The following SORT1 variants were observed in gnomAD, a reference collection of about 807,000 sequenced individuals.
The protein encoded by SORT1 is sortilin.
SORT1 carries 39 observed loss-of-function variants against 101.7 expected under a neutral mutation model. The observed-to-expected ratio is 0.38, with a 90% CI of 0.30 to 0.50. The LOEUF is 0.50. Ranked by LOEUF, SORT1 falls within the 20% of genes least tolerant of loss-of-function variation. The pLI, the probability that SORT1 is intolerant of heterozygous loss-of-function variation, is 0.90. For missense variants in SORT1, 878 were observed against 1,040.4 expected, an observed-to-expected ratio of 0.84 and a Z score of 2.15; for synonymous variants, 396 against 393.7, an observed-to-expected ratio of 1.01 and a Z score of -0.07.
chr1:109,365,898 G>C (rs1314340497), intron 3 of SORT1, among the ~76,000 whole-genome samples: 1 of 152,220 alleles, frequency 6.6e-6, no homozygotes, highest in Non-Finnish European at 1.5e-5. Context: ...ACGGGGAAGA[G>C]AGGTTAGGCT....
intron 15 of SORT1, among the ~76,000 whole-genome samples, chr1:109,320,908 G>A (rs1647584619): frequency 6.6e-6 from 1 of 151,832 alleles, no homozygotes; most frequent in Admixed American, 6.6e-5. Context: ...AGAGTTTTAG[G>A]TATTCAATCA....
intron 1 of SORT1, among the ~76,000 whole-genome samples, chr1:109,381,584 C>T (rs1428296013): frequency 6.6e-6 from 1 of 152,078 alleles, no homozygotes; most frequent in African/African-American, 2.4e-5. Flanking sequence ...ACAATGTTAT[C>T]AGGGGCCGGG....
chr1:109,314,763 A>G lies in SORT1; in HGVS notation c.2266T>C (p.Ser756Pro). 6.2e-7 allele frequency: 1 copy of G among 1,605,606 alleles called. No individual in the cohort carries two copies. Among genetic ancestry groups the G allele is most frequent in the Non-Finnish European group, 8.5e-7 (1 of 1,172,346 alleles). Residue 756 changes from serine to proline, a missense_variant, in exon 18 of 20, where the codon TCT (serine) becomes CCT (proline). By Grantham distance (74) the Ser-to-Pro change is moderately conservative. Transcript: ENST00000256637. The stretch of plus-strand genomic sequence containing the variant: ...ACGATGGCCAGGATAATTGGAACAG[A>G]ATTTGACTTGGAATTCTTGAGAAAT... ...SPEKQNSKSN[S>P]VPIILAIVGL...
At chr1:109,347,335 A>T (rs1339745028) in intron 7 of SORT1, 148 bp downstream of exon 7, 4 of 576,300 alleles carry the variant, frequency 6.9e-6, no homozygotes, top group Non-Finnish European at 1.3e-5. Flanking sequence ...TTTACTTTCA[A>T]GATTTTAATA....
chr1:109,316,215 C>A (rs1185411810), intron 17 of SORT1, among the ~76,000 whole-genome samples: 1 of 151,928 alleles, frequency 6.6e-6, no homozygotes, highest in Non-Finnish European at 1.5e-5. Flanking sequence ...CATGGCCCTT[C>A]ACAGACAACC....
At chr1:109,322,354 A>G (rs535740514) in intron 15 of SORT1, among the ~76,000 whole-genome samples, 2 of 135,180 alleles carry the variant, frequency 1.5e-5, no homozygotes, top group South Asian at 5.1e-4. Context: ...TTCTTATATC[A>G]CTCCTCTCCT....
chr1:109,391,860 A>T (rs1652934968), intron 1 of SORT1, among the ~76,000 whole-genome samples: 1 of 152,238 alleles, frequency 6.6e-6, no homozygotes, highest in Non-Finnish European at 1.5e-5. Flanking sequence ...TGGGAAGAAC[A>T]AGTTTTCACC....
Position 109,312,971 on chromosome 1 carries a change from T to A in SORT1, c.*1072A>T, listed in dbSNP as rs1051863689. The A allele has an allele frequency of 2.6e-5, 4 of 152,218 alleles. No homozygotes were observed. Among genetic ancestry groups the A allele is most frequent in the African/African-American group, 9.6e-5 (4 of 41,456 alleles). The allele number at this position is 152,218 out of a possible 1,614,324, so 9.4% of individuals were successfully genotyped here. On this transcript the variant is annotated 3_prime_UTR_variant, in exon 20 of 20. Transcript: ENST00000256637. The stretch of plus-strand genomic sequence containing the variant: ...ATAAAATTCTAATTTTTTAAGTCTA[T>A]AAATCTGAAAAAATCTCTAGTCCTG...
intron 8 of SORT1, among the ~76,000 whole-genome samples, chr1:109,344,097 A>G (rs1169516985): frequency 1.3e-5 from 2 of 152,074 alleles, no homozygotes; most frequent in Non-Finnish European, 2.9e-5. Context: ...CCCACATCAA[A>G]TCCATCAGCA....
chr1:109,391,491 A>G (rs909630323), intron 1 of SORT1, among the ~76,000 whole-genome samples: 1 of 152,240 alleles, frequency 6.6e-6, no homozygotes, highest in Non-Finnish European at 1.5e-5. Context: ...GCCAGAGACT[A>G]AAACACAAAA....
intron 8 of SORT1, 121 bp from the exon 9 acceptor site, chr1:109,342,279 T>C (rs1052657332): frequency 7.9e-6 from 6 of 757,106 alleles, no homozygotes; most frequent in Middle Eastern, 3.9e-4. Flanking sequence ...ACGATTGCTA[T>C]GAATGAAAGG....
At chr1:109,383,086 G>GA (rs539653857) in intron 1 of SORT1, among the ~76,000 whole-genome samples, 100 of 152,106 alleles carry the variant, frequency 6.6e-4, no homozygotes, top group Middle Eastern at 6.8e-3. Flanking sequence ...CTGTAGGTTG[G>GA]AAAAAAATCC....
Position 109,313,758 on chromosome 1 carries a change from A to G in SORT1, c.*285T>C. ...TCCATTTCGTTTCCCTTAAAAAACA[A>G]AAACAAAAAAGCCCATACTTTGCAA... On this transcript the variant is annotated 3_prime_UTR_variant, in exon 20 of 20. Transcript: ENST00000256637. 2.5e-6 allele frequency: 1 copy of G among 399,548 alleles called. No individual in the cohort carries two copies. The highest frequency in any genetic ancestry group is 4.2e-6 in the Non-Finnish European group (1 of 235,338). 24.8% of individuals were successfully genotyped at this position (399,548 alleles called of 1,614,324 possible). A position where few individuals can be genotyped will look rare whatever the true frequency, so the allele number is the denominator to read the frequency against.
chr1:109,317,950 G>A lies in SORT1; in HGVS notation c.2044C>T (p.Pro682Ser), dbSNP rs750330704. Reference protein sequence around the residue: ...DFLCDFGYYRPENDSKCVEQP... With the variant: ...DFLCDFGYYRSENDSKCVEQP... ...TCCACACACTTGGAGTCATTTTCTG[G>A]ACGGTAGTAGCCAAAATCACTGCAA... The change falls in exon 16 of 20, where the codon CCA becomes TCA. Residue 682 changes from proline (P) to serine (S), a missense_variant. Pro to Ser is a moderately conservative substitution (Grantham distance 74). This residue lies in a region of SORT1 where 684 missense variants were observed against 894.5 expected (regional missense o/e 0.76). Transcript: ENST00000256637. 1 of 1,613,306 alleles carries A rather than the reference G, an allele frequency of 6.2e-7. No individual in the cohort carries two copies. Among genetic ancestry groups the A allele is most frequent in the Non-Finnish European group, 8.5e-7 (1 of 1,179,282 alleles).
intron 1 of SORT1, among the ~76,000 whole-genome samples, chr1:109,371,957 G>A (rs1011745975): frequency 1.3e-5 from 2 of 152,106 alleles, no homozygotes; most frequent in Non-Finnish European, 2.9e-5. Context: ...ACTGGTGAAA[G>A]TTAAAAAAGA....
intron 3 of SORT1, among the ~76,000 whole-genome samples, chr1:109,358,497 C>T (rs146027376): frequency 6.6e-6 from 1 of 152,126 alleles, no homozygotes; most frequent in African/African-American, 2.4e-5. Context: ...TAATTAATAG[C>T]GTTATGAACA....
At position 109,397,698 on chromosome 1, in the gene SORT1, G is replaced by A. The variant is rs1339144958; in HGVS notation, c.195C>T (p.Ala65=). ...GGCCGCCGCGGGGAAACGCGCCCCC[G>A]GCTGCGGCCGCCCGCAGCCCCCAGC... ...GVSWGLRAAA[A]GGAFPRGGRW... The change falls in exon 1 of 20, where the codon GCC becomes GCT. Residue 65 remains alanine (A), a synonymous_variant. Coordinates refer to ENST00000256637, the MANE Select transcript of SORT1 (RefSeq NM_002959.7). The A allele has an allele frequency of 8.4e-6, 10 of 1,189,366 alleles. No homozygotes were observed. The highest frequency in any genetic ancestry group is 1.0e-5 in the Non-Finnish European group (10 of 962,746). The allele number at this position is 1,189,366 out of a possible 1,614,324, so 73.7% of individuals were successfully genotyped here.
chr1:109,347,653 C>T (rs1450021105), intron 6 of SORT1, 121 bp from the exon 7 acceptor site: 8 of 669,928 alleles, frequency 1.2e-5, no homozygotes, highest in Non-Finnish European at 1.9e-5. Context: ...TGACAAGCAC[C>T]ACTTCTCAGG....
chr1:109,391,655 T>C (rs1261757993), intron 1 of SORT1, among the ~76,000 whole-genome samples: 1 of 152,182 alleles, frequency 6.6e-6, no homozygotes, highest in Non-Finnish European at 1.5e-5. Context: ...TTTTCATAGG[T>C]ATGAGGAATC....
Sources: gnomAD v4.1 joint callset for allele counts (sites outside exome capture counted in the v4.1 genomes callset) on GRCh38, gnomAD v4.1.1 for gene constraint, gnomAD v4.1.1 regional missense constraint, MANE v1.5 for transcripts, NCBI Gene and HGNC (gene_info 2026-07-23, HGNC 2026-07-21) for gene names.